STPG2: variants seen among roughly 807,000 people sequenced by gnomAD.
The protein encoded by STPG2 is sperm tail PG-rich repeat containing 2, also known as sperm-tail PG-rich repeat-containing protein 2.
STPG2 carries 56 observed loss-of-function variants against 54.2 expected under a neutral mutation model. The ratio of observed to expected loss-of-function variants is 1.03; its 90% CI spans 0.83 to 1.29. STPG2 has a LOEUF of 1.29. Among genes scored for constraint, STPG2 ranks in the 50% most tolerant of loss-of-function variants. The pLI, the probability that STPG2 is intolerant of heterozygous loss-of-function variation, is 0.00. For missense variants in STPG2, 596 were observed against 544.9 expected, an observed-to-expected ratio of 1.09 and a Z score of -0.93; for synonymous variants, 200 against 181.8, an observed-to-expected ratio of 1.10 and a Z score of -0.81.
At chr4:97,585,516 T>C (rs756692743) in intron 10 of STPG2, among the ~76,000 whole-genome samples, 5 of 151,898 alleles carry the variant, frequency 3.3e-5, no homozygotes, top group Non-Finnish European at 7.4e-5. Flanking sequence ...TAAAAAAAAC[T>C]AATGTGGCCA....
chr4:97,978,744 C>T (rs1022821630), intron 6 of STPG2, among the ~76,000 whole-genome samples: 5 of 152,034 alleles, frequency 3.3e-5, no homozygotes, highest in Admixed American at 6.6e-5. Context: ...CTAGAATTTC[C>T]TAGATTTGAA....
At chr4:97,483,933 A>T (rs1240641906) in intron 4 of STPG2, among the ~76,000 whole-genome samples, 1 of 151,902 alleles carries the variant, frequency 6.6e-6, no homozygotes, top group African/African-American at 2.4e-5. Flanking sequence ...CTTCAAAACC[A>T]TGCAAATACA....
chr4:97,934,219 T>G (rs546260088), intron 8 of STPG2, among the ~76,000 whole-genome samples: 3 of 152,324 alleles, frequency 2.0e-5, no homozygotes, highest in Admixed American at 6.5e-5. Context: ...TTTTGTATCC[T>G]GAGACTTTGC....
intron 8 of STPG2, among the ~76,000 whole-genome samples, chr4:97,911,028 T>C (rs1731658585): frequency 6.6e-6 from 1 of 152,026 alleles, no homozygotes; most frequent in Non-Finnish European, 1.5e-5. Flanking sequence ...GGGCAATAGC[T>C]CACCTGGAAG....
chr4:97,931,688 T>G (rs1732552928), intron 8 of STPG2, among the ~76,000 whole-genome samples: 1 of 152,068 alleles, frequency 6.6e-6, no homozygotes, highest in Admixed American at 6.6e-5. Context: ...TTGTTTGTTG[T>G]TTTTTTATCT....
At chr4:97,626,482 C>G (rs958475399) in intron 10 of STPG2, among the ~76,000 whole-genome samples, 1 of 152,120 alleles carries the variant, frequency 6.6e-6, no homozygotes, top group Non-Finnish European at 1.5e-5. Context: ...CCCCTTTGTA[C>G]ACACATCTGC....
rs1739146145 is a variant in STPG2 at position 98,104,934 on chromosome 4, C to A, written c.612+1019G>T. ...TATTACCATTGTTGTGGACAAACTGCAACCTAACTTAATAGGCAGACAAGA... is the reference window on the plus strand; with the variant it reads ...TATTACCATTGTTGTGGACAAACTGAAACCTAACTTAATAGGCAGACAAGA... On this transcript the variant is annotated intron_variant, in intron 5 of 10. Coordinates refer to ENST00000295268, the MANE Select transcript of STPG2 (RefSeq NM_174952.3). Among the ~76,000 whole-genome samples, 3 of 152,124 alleles carry A rather than the reference C, an allele frequency of 2.0e-5. No homozygotes were observed. In the South Asian group the frequency reaches 6.2e-4, roughly 32 times the overall value.
In STPG2 at chr4:97,629,172, T is replaced by C. The variant is rs1337720514; in HGVS notation, c.1321-70055A>G. 3.3e-5 allele frequency among the ~76,000 whole-genome samples: 5 copies of C among 151,960 alleles called. No homozygotes were observed. In the East Asian group the frequency reaches 9.7e-4, roughly 29 times the overall value. On this transcript the variant is annotated intron_variant, in intron 10 of 10. Transcript: ENST00000295268. ...TTTCCAATAATAATAATAAGAGTAA[T>C]AGTAATAGACCTTGAAAAGCCATCA...
At chr4:98,116,039 A>G (rs1739511260) in intron 3 of STPG2, among the ~76,000 whole-genome samples, 1 of 151,984 alleles carries the variant, frequency 6.6e-6, no homozygotes, top group Non-Finnish European at 1.5e-5. Flanking sequence ...GTATTGATTC[A>G]ATACTTATTA....
At chr4:97,509,053 T>C (rs1730912058) in intron 4 of STPG2, among the ~76,000 whole-genome samples, 2 of 152,108 alleles carry the variant, frequency 1.3e-5, no homozygotes, top group Non-Finnish European at 2.9e-5. Context: ...GTGTTACCAA[T>C]GTACTCAGAG....
At chr4:97,800,164 A>G (rs983672251) in intron 9 of STPG2, among the ~76,000 whole-genome samples, 4 of 152,178 alleles carry the variant, frequency 2.6e-5, no homozygotes, top group African/African-American at 9.7e-5. Context: ...GATCGTCTGA[A>G]GCCTTCTTCT....
intron 9 of STPG2, among the ~76,000 whole-genome samples, chr4:97,791,614 T>TC (rs769094973): frequency 2.6e-5 from 4 of 152,170 alleles, no homozygotes; most frequent in Admixed American, 6.5e-5. Flanking sequence ...GTTATTTTTT[T>TC]CTCATTGTAT....
At chr4:97,869,752 GA>G in intron 8 of STPG2, among the ~76,000 whole-genome samples, 1 of 151,706 alleles carries the variant, frequency 6.6e-6, no homozygotes, top group African/African-American at 2.4e-5. Context: ...CCTCCAAAAA[GA>G]AGCTAATGAA....
At chr4:97,698,333 C>T (rs949543686) in intron 10 of STPG2, among the ~76,000 whole-genome samples, 2 of 152,158 alleles carry the variant, frequency 1.3e-5, no homozygotes, top group Non-Finnish European at 2.9e-5. Flanking sequence ...CCATACTCTT[C>T]CTTACCACCG....
intron 7 of STPG2, among the ~76,000 whole-genome samples, chr4:97,968,690 T>C (rs1307181240): frequency 2.0e-5 from 3 of 152,076 alleles, no homozygotes; most frequent in African/African-American, 4.8e-5. Context: ...AAAAACCACA[T>C]GATTATCTCA....
At chr4:97,779,224 G>A (rs1578556102) in intron 9 of STPG2, among the ~76,000 whole-genome samples, 2 of 152,166 alleles carry the variant, frequency 1.3e-5, no homozygotes, top group East Asian at 1.9e-4. Flanking sequence ...AACCAGTGTA[G>A]AGAAGTCCTT....
intron 7 of STPG2, among the ~76,000 whole-genome samples, chr4:97,953,904 T>G (rs1373013258): frequency 6.6e-6 from 1 of 152,226 alleles, no homozygotes; most frequent in Non-Finnish European, 1.5e-5. Context: ...TGAGAATTGC[T>G]ATACACTATT....
chr4:97,628,832 T>C (rs562325840), intron 10 of STPG2, among the ~76,000 whole-genome samples: 3 of 152,048 alleles, frequency 2.0e-5, no homozygotes, highest in Non-Finnish European at 4.4e-5. Flanking sequence ...TTTTACAATA[T>C]TGTCACTCAT....
At chr4:97,791,710 G>A (rs979890824) in intron 9 of STPG2, among the ~76,000 whole-genome samples, 2 of 151,804 alleles carry the variant, frequency 1.3e-5, no homozygotes, top group Non-Finnish European at 2.9e-5. Flanking sequence ...CTGTTTTGAA[G>A]TTAATGACAC....
Sources: allele counts gnomAD v4.1 joint callset (sites outside exome capture counted in the v4.1 genomes callset), GRCh38; gene constraint gnomAD v4.1.1; transcripts MANE v1.5; gene names NCBI Gene and HGNC (gene_info 2026-07-23, HGNC 2026-07-21).